Variants in EZH2 observed in about 807,000 individuals in gnomAD.
The protein encoded by EZH2 is enhancer of zeste 2 polycomb repressive complex 2 subunit.
In EZH2, 18 loss-of-function variants were observed where a neutral mutation model predicts 98.4. That is an observed-to-expected ratio of 0.18 (90% CI 0.13 to 0.27). The LOEUF is 0.27. Among genes scored for constraint, EZH2 ranks in the 10% least tolerant of loss-of-function variants. The pLI is 1.00. For synonymous variants in EZH2, 338 were observed against 312.3 expected, an observed-to-expected ratio of 1.08 and a Z score of -0.87; for missense variants, 470 against 935.1, an observed-to-expected ratio of 0.50 and a Z score of 6.49.
intron 1 of EZH2, among the ~76,000 whole-genome samples, chr7:148,873,482 ACT>A (rs1424915217): frequency 3.5e-5 from 4 of 114,974 alleles, no homozygotes; most frequent in Admixed American, 1.1e-4. Context: ...ACAGAGTGAG[ACT>A]CTGTCTCAAA....
chr7:148,810,739 C>T (rs554950204), intron 16 of EZH2, among the ~76,000 whole-genome samples: 1 of 152,020 alleles, frequency 6.6e-6, no homozygotes, highest in African/African-American at 2.4e-5. Flanking sequence ...GAGGCCGAGG[C>T]GGGCAGATCA....
chr7:148,845,191 G>A (rs1178938014), intron 3 of EZH2, among the ~76,000 whole-genome samples: 2 of 152,274 alleles, frequency 1.3e-5, no homozygotes, highest in East Asian at 3.9e-4. Context: ...GAGAGAAAAT[G>A]AGGTTTTTCT....
At chr7:148,846,886 T>TA (rs1454100118) in intron 2 of EZH2, among the ~76,000 whole-genome samples, 2 of 141,566 alleles carry the variant, frequency 1.4e-5, no homozygotes, top group African/African-American at 5.5e-5. Context: ...GTGTGTGTAT[T>TA]TTTTTTTTTA....
At chr7:148,817,045 G>T in intron 11 of EZH2, 177 bp downstream of exon 11, 1 of 652,320 alleles carries the variant, frequency 1.5e-6, no homozygotes, top group Non-Finnish European at 2.5e-6. Context: ...GGGAAATTCT[G>T]TAACATACCT....
intron 3 of EZH2, among the ~76,000 whole-genome samples, chr7:148,843,273 G>A (rs530807981): frequency 6.6e-6 from 1 of 151,720 alleles, no homozygotes; most frequent in African/African-American, 2.4e-5. Context: ...AGCTACTCAG[G>A]AGGCTGAGGT....
intron 14 of EZH2, 98 bp downstream of exon 14, chr7:148,814,816 A>G: frequency 7.1e-7 from 1 of 1,414,932 alleles, no homozygotes; most frequent in South Asian, 1.4e-5. Flanking sequence ...TCAAGTAAAC[A>G]AGGGAGTGCT....
At chr7:148,862,625 G>C (rs199761471) in intron 1 of EZH2, among the ~76,000 whole-genome samples, 2 of 152,152 alleles carry the variant, frequency 1.3e-5, no homozygotes, top group Non-Finnish European at 2.9e-5. Flanking sequence ...AAAGTGGCTA[G>C]TGGAGCTCAC....
At chr7:148,850,508 A>T in intron 1 of EZH2, 1 of 848,880 alleles carries the variant, frequency 1.2e-6, no homozygotes, top group Non-Finnish European at 1.4e-6. Flanking sequence ...TTGAAAGTGT[A>T]AGACTAAATA....
At position 148,875,747 on chromosome 7, in the gene EZH2, A is replaced by G. The variant is rs1820083194; in HGVS notation, c.-8+8417T>C. On this transcript the variant is annotated intron_variant, in intron 1 of 19. Coordinates refer to ENST00000320356, the MANE Select transcript of EZH2 (RefSeq NM_004456.5). Reference sequence around the variant, plus strand: ...TTTACCACTAAAACATGTCCAGGAAAGACATACAAATGGTGATAGCAGCTT... The same window carrying G: ...TTTACCACTAAAACATGTCCAGGAAGGACATACAAATGGTGATAGCAGCTT... 1.3e-5 allele frequency among the ~76,000 whole-genome samples: 2 copies of G among 152,390 alleles called. 1 individual carries two copies. The highest frequency in any genetic ancestry group is 4.8e-5 in the African/African-American group (2 of 41,596).
chr7:148,818,501 AAAG>A, intron 9 of EZH2, among the ~76,000 whole-genome samples: 1 of 152,366 alleles, frequency 6.6e-6, no homozygotes, highest in African/African-American at 2.4e-5. Context: ...AATCTTTACA[AAAG>A]AATCATATAC....
intron 1 of EZH2, among the ~76,000 whole-genome samples, chr7:148,867,940 C>T (rs1225723068): frequency 4.6e-5 from 7 of 152,236 alleles, no homozygotes; most frequent in Admixed American, 2.0e-4. Flanking sequence ...TTTGCTAACA[C>T]ATAGCAAGAG....
chr7:148,871,692 A>G (rs1819430907), intron 1 of EZH2, among the ~76,000 whole-genome samples: 2 of 151,470 alleles, frequency 1.3e-5, no homozygotes, highest in Admixed American at 1.3e-4. Context: ...CTCCTGTCTC[A>G]GCCTCCTAAG....
Position 148,815,564 on chromosome 7 carries a change from AAATT to A in EZH2, c.1506-22_1506-19del, listed in dbSNP as rs1210483628. On this transcript the variant is annotated intron_variant, in intron 12 of 19. Transcript: ENST00000320356. Reference sequence around the variant, plus strand: ...CCCACAACCTGCAAAAACACAAAGAAAATTAAACCAAATTTCTGCGGGAAGCTAC... The same window carrying A: ...CCCACAACCTGCAAAAACACAAAGAAAAACCAAATTTCTGCGGGAAGCTAC... 2 of 1,612,616 alleles carry A rather than the reference AAATT, an allele frequency of 1.2e-6. No homozygotes were observed. The highest frequency in any genetic ancestry group is 2.7e-5 in the African/African-American group (2 of 74,920).
intron 8 of EZH2, among the ~76,000 whole-genome samples, chr7:148,822,379 A>ATCCT (rs759369222): frequency 9.4e-4 from 143 of 151,876 alleles, no homozygotes; most frequent in Non-Finnish European, 1.5e-3. Flanking sequence ...ATGTGGTAGC[A>ATCCT]CATGCCTGTA....
rs150197253 is a variant in EZH2, at chr7:148,861,896, C to A, written c.-7-14591G>T. Reference sequence around the variant, plus strand: ...TCTAATAGGAAACGGATTCTCGTAACTGTTTCTGCATTCAATCTGTTCCAA... The same window carrying A: ...TCTAATAGGAAACGGATTCTCGTAAATGTTTCTGCATTCAATCTGTTCCAA... On this transcript the variant is annotated intron_variant, in intron 1 of 19. Transcript: ENST00000320356. Among the ~76,000 whole-genome samples, 335 of 151,788 alleles carry A rather than the reference C, an allele frequency of 2.2e-3. 2 individuals carry two copies. Among genetic ancestry groups the A allele is most frequent in the African/African-American group, 7.7e-3 (320 of 41,396 alleles).
chr7:148,828,694 A>G, intron 6 of EZH2, 46 bp downstream of exon 6: 1 of 1,578,896 alleles, frequency 6.3e-7, no homozygotes, highest in Non-Finnish European at 8.6e-7. Context: ...ACTGTTTTTG[A>G]AAGAAAGCTG....
At chr7:148,807,814 TAAAAAAAA>T (rs35866517) in intron 19 of EZH2, 108 bp from the exon 20 acceptor site, 82 of 400,208 alleles carry the variant, frequency 2.0e-4, no homozygotes, top group Middle Eastern at 1.2e-3. Flanking sequence ...AAAATGTCTT[TAAAAAAAA>T]AAAAAAAAAA....
At chr7:148,824,523 CT>C (rs1425482749) in intron 8 of EZH2, among the ~76,000 whole-genome samples, 1 of 152,172 alleles carries the variant, frequency 6.6e-6, no homozygotes, top group African/African-American at 2.4e-5. Flanking sequence ...CAGTGGCATG[CT>C]GCAGGGATAT....
intron 16 of EZH2, among the ~76,000 whole-genome samples, chr7:148,811,181 G>A (rs573187420): frequency 5.9e-5 from 9 of 152,202 alleles, no homozygotes; most frequent in East Asian, 3.9e-4. Flanking sequence ...TCACTTTGTC[G>A]CCCAGGCCGG....
Sources: allele counts gnomAD v4.1 joint callset (sites outside exome capture counted in the v4.1 genomes callset), GRCh38; gene constraint gnomAD v4.1.1; transcripts MANE v1.5; gene names NCBI Gene and HGNC (gene_info 2026-07-23, HGNC 2026-07-21).